The following C1orf21 variants were observed in gnomAD, a reference collection of about 807,000 sequenced individuals.
C1orf21 encodes uncharacterized protein C1orf21.
In C1orf21, 3 loss-of-function variants were observed where a neutral mutation model predicts 18.7. That is an observed-to-expected ratio of 0.16 (90% CI 0.07 to 0.42). C1orf21 has a LOEUF of 0.42. Among genes scored for constraint, C1orf21 ranks in the 10% least tolerant of loss-of-function variants. The pLI is 0.99. For missense variants in C1orf21, 104 were observed against 143.6 expected, an observed-to-expected ratio of 0.72 and a Z score of 1.41; for synonymous variants, 41 against 46.4, an observed-to-expected ratio of 0.88 and a Z score of 0.47.
chr1:184,435,641 C>T lies in C1orf21; in HGVS notation c.-124-41745C>T, dbSNP rs145857198. On this transcript the variant is annotated intron_variant, in intron 1 of 5. Transcript: ENST00000235307. ...TCCAGGCATGAGCCACTGTGCCTGGCGTATAGATGGTATTTGAAGCAAGAG... is the reference window on the plus strand; with the variant it reads ...TCCAGGCATGAGCCACTGTGCCTGGTGTATAGATGGTATTTGAAGCAAGAG... Among the ~76,000 whole-genome samples the T allele has an allele frequency of 1.4e-4, 21 of 152,168 alleles. No individual in the cohort carries two copies. In the East Asian group the frequency reaches 2.9e-3, roughly 21 times the overall value.
At chr1:184,433,767 C>G (rs1227108493) in intron 1 of C1orf21, among the ~76,000 whole-genome samples, 2 of 152,170 alleles carry the variant, frequency 1.3e-5, no homozygotes, top group Admixed American at 1.3e-4. Flanking sequence ...AGCTACCACA[C>G]TGGACCAAAT....
chr1:184,556,474 A>G (rs1171581443), intron 3 of C1orf21, among the ~76,000 whole-genome samples: 1 of 152,196 alleles, frequency 6.6e-6, no homozygotes, highest in Non-Finnish European at 1.5e-5. Context: ...AGGCCAAGCC[A>G]AAGAATGGGA....
rs1278854469 is a variant in C1orf21 at position 184,491,559 on chromosome 1, C to A, written c.94+13956C>A. On this transcript the variant is annotated intron_variant, in intron 2 of 5. Coordinates refer to ENST00000235307, the MANE Select transcript of C1orf21 (RefSeq NM_030806.4). ...TAGAAACAGATTTTCACCATATTGC[C>A]CAGGCTGTTCTCGAACTCCTGAGCT... Among the ~76,000 whole-genome samples the A allele has an allele frequency of 3.9e-5, 6 of 152,246 alleles. No homozygotes were observed. The East Asian group carries it at 1.2e-3, about 29-fold the overall frequency.
intron 4 of C1orf21, 21 bp from the exon 5 acceptor site, chr1:184,598,380 T>G (rs1659545493): frequency 6.2e-7 from 1 of 1,612,152 alleles, no homozygotes; most frequent in Admixed American, 1.7e-5. Context: ...AATATGCACT[T>G]AACTACCCTT....
chr1:184,426,025 A>C (rs553732976), intron 1 of C1orf21, among the ~76,000 whole-genome samples: 135 of 152,342 alleles, frequency 8.9e-4, no homozygotes, highest in Middle Eastern at 3.4e-3. Flanking sequence ...TTATGTACTC[A>C]GCAGCTCTGC....
chr1:184,503,009 T>C (rs1658000269), intron 2 of C1orf21, among the ~76,000 whole-genome samples: 1 of 136,698 alleles, frequency 7.3e-6, no homozygotes, highest in Non-Finnish European at 1.5e-5. Context: ...GCCTGGGAGA[T>C]GGAGGTTGCA....
intron 3 of C1orf21, among the ~76,000 whole-genome samples, chr1:184,561,224 T>C (rs1379165736): frequency 1.3e-5 from 2 of 152,166 alleles, no homozygotes; most frequent in Non-Finnish European, 2.9e-5. Flanking sequence ...GAGCTGGTTC[T>C]CTCACCCAAC....
chr1:184,552,073 A>T (rs1335801616), intron 3 of C1orf21, among the ~76,000 whole-genome samples: 2 of 152,222 alleles, frequency 1.3e-5, no homozygotes, highest in Non-Finnish European at 2.9e-5. Context: ...TTTTACATGA[A>T]ATAGTACAGT....
intron 2 of C1orf21, among the ~76,000 whole-genome samples, chr1:184,479,613 C>CTTTTTT (rs55840285): frequency 9.6e-5 from 6 of 62,214 alleles, no homozygotes; most frequent in East Asian, 5.8e-4. Flanking sequence ...TCCCATAGGT[C>CTTTTTT]TTTTTTTTTT....
At chr1:184,418,295 C>T (rs1469597698) in intron 1 of C1orf21, among the ~76,000 whole-genome samples, 1 of 152,152 alleles carries the variant, frequency 6.6e-6, no homozygotes, top group Non-Finnish European at 1.5e-5. Flanking sequence ...TCATGGCTCA[C>T]TGCAGCCTTG....
At chr1:184,548,917 T>C (rs528660189) in intron 3 of C1orf21, among the ~76,000 whole-genome samples, 2 of 152,344 alleles carry the variant, frequency 1.3e-5, no homozygotes, top group Admixed American at 1.3e-4. Flanking sequence ...GACCCACTAG[T>C]ATATCTTCTT....
chr1:184,431,310 C>T (rs565280804), intron 1 of C1orf21, among the ~76,000 whole-genome samples: 9 of 152,220 alleles, frequency 5.9e-5, no homozygotes, highest in South Asian at 4.2e-4. Context: ...TCAGAAATAA[C>T]GCCACACATC....
At chr1:184,567,696 AG>A in intron 3 of C1orf21, 1 of 369,372 alleles carries the variant, frequency 2.7e-6, no homozygotes, top group Non-Finnish European at 5.5e-6. Flanking sequence ...AGATTTTTCC[AG>A]GGCTGCTAAA....
intron 2 of C1orf21, among the ~76,000 whole-genome samples, chr1:184,496,732 T>G (rs931348630): frequency 2.6e-5 from 4 of 152,322 alleles, no homozygotes; most frequent in Admixed American, 6.5e-5. Flanking sequence ...GTGGCTGTTT[T>G]GCACCCTGTA....
At chr1:184,461,846 A>C (rs753620635) in intron 1 of C1orf21, among the ~76,000 whole-genome samples, 12 of 152,204 alleles carry the variant, frequency 7.9e-5, no homozygotes, top group East Asian at 5.8e-4. Flanking sequence ...TTGATTAAAA[A>C]AAAACAAAAC....
chr1:184,575,745 AG>A (rs1455699146), intron 3 of C1orf21, among the ~76,000 whole-genome samples: 1 of 152,092 alleles, frequency 6.6e-6, no homozygotes, highest in Non-Finnish European at 1.5e-5. Context: ...TGAATTAGAG[AG>A]GTTTTAGCTA....
intron 3 of C1orf21, among the ~76,000 whole-genome samples, chr1:184,556,699 T>A (rs1658884337): frequency 6.6e-6 from 1 of 152,140 alleles, no homozygotes; most frequent in Non-Finnish European, 1.5e-5. Context: ...GAATCAGACT[T>A]CTAAAGAGTG....
chr1:184,531,407 T>A (rs1658461093), intron 3 of C1orf21, among the ~76,000 whole-genome samples: 1 of 152,218 alleles, frequency 6.6e-6, no homozygotes, highest in East Asian at 1.9e-4. Context: ...CCTGCAGTGT[T>A]GATTTTAATG....
intron 4 of C1orf21, 147 bp from the exon 5 acceptor site, chr1:184,598,254 C>T: frequency 3.0e-6 from 2 of 658,934 alleles, no homozygotes; most frequent in Admixed American, 6.2e-5. Context: ...ACTGTTTATC[C>T]TTAATGTAAC....
Sources: gnomAD v4.1 joint callset for allele counts (sites outside exome capture counted in the v4.1 genomes callset) on GRCh38, gnomAD v4.1.1 for gene constraint, MANE v1.5 for transcripts, NCBI Gene and HGNC (gene_info 2026-07-23, HGNC 2026-07-21) for gene names.